Variants in RHBDL1 observed in about 807,000 individuals in gnomAD.
RHBDL1 encodes the protein rhomboid like 1, also known as rhomboid-related protein 1.
In RHBDL1, 21 loss-of-function variants were observed where a neutral mutation model predicts 34.0. The ratio of observed to expected loss-of-function variants is 0.62; its 90% confidence interval spans 0.44 to 0.89. The LOEUF is 0.89. Among genes scored for constraint, RHBDL1 ranks in the 40% least tolerant of loss-of-function variants. RHBDL1 has a pLI of 0.00. For synonymous variants in RHBDL1, 268 were observed against 234.8 expected (o/e 1.14, Z -1.29); for missense variants, 450 against 530.6 (o/e 0.85, Z 1.49).
At chr16:675,877 C>T in intron 1 of RHBDL1, 48 bp downstream of exon 1, 5 of 1,473,600 alleles carry the variant, frequency 3.4e-6, no homozygotes, top group Non-Finnish European at 4.5e-6. Flanking sequence ...CCAATGCGGC[C>T]CTCCTGCCGC....
At position 676,530 on chromosome 16, in the gene RHBDL1, CGGT is replaced by C; in HGVS notation, c.201+35_201+37del. 6.4e-7 allele frequency: 1 copy of C among 1,570,490 alleles called. No homozygotes were observed. The highest frequency in any genetic ancestry group is 1.3e-5 in the African/African-American group (1 of 74,282). ...CCACGGTGGGCAGGCGGCAGGGGCA[CGGT>C]GTCCTGGCCAGAGGAGGCGGGCAGG... is the stretch of plus-strand genomic sequence containing the variant. On this transcript the variant is annotated intron_variant, in intron 2 of 7. Coordinates refer to ENST00000352681, the MANE Select transcript of RHBDL1 (RefSeq NM_001278720.2). The surrounding 1 kb of genome is among the most constrained non-coding windows in gnomAD (Gnocchi z 6.9).
rs1484324941 is a variant in RHBDL1, at chr16:676,177, C to A, written c.40-159C>A. 1.3e-6 allele frequency: 2 copies of A among 1,495,576 alleles called. No individual in the cohort carries two copies. The highest frequency in any genetic ancestry group is 1.8e-6 in the Non-Finnish European group (2 of 1,118,078). The allele number at this position is 1,495,576 out of a possible 1,614,324, so 92.6% of individuals were successfully genotyped here. A position where few individuals can be genotyped will look rare whatever the true frequency, so the allele number is the denominator to read the frequency against. On this transcript the variant is annotated intron_variant, in intron 1 of 7. Coordinates refer to ENST00000352681, the MANE Select transcript of RHBDL1 (RefSeq NM_001278720.2). This position sits in a 1 kb window ranked among gnomAD's most constrained non-coding sequence, Gnocchi z 6.9. The stretch of plus-strand genomic sequence containing the variant: ...CCCAGGCACCAGTGCCCTGCCAGCT[C>A]CTGGGATCAAGCAGGGTCCCAGGGA...
In RHBDL1 at chr16:677,814, G is replaced by A; in HGVS notation, c.884G>A (p.Arg295His). 2 of 1,563,138 alleles carry A rather than the reference G, an allele frequency of 1.3e-6. No individual in the cohort carries two copies. Among genetic ancestry groups the A allele is most frequent in the East Asian group, 4.6e-5 (2 of 43,366 alleles). The change falls in exon 8 of 8, where the codon CGC becomes CAC. Residue 295 changes from arginine to histidine, a missense_variant. Physicochemically the swap from Arg to His is conservative, Grantham distance 29. Transcript: ENST00000352681. ...SSEVGRAVWL[R>H]FSPPLPASGP... ...GAGGTGGGCCGGGCCGTGTGGCTGCGCTTCTCCCCGCCGCTGCCCGCCTCG... is the reference window on the plus strand; with the variant it reads ...GAGGTGGGCCGGGCCGTGTGGCTGCACTTCTCCCCGCCGCTGCCCGCCTCG...
Position 676,630 on chromosome 16 carries a change from C to T in RHBDL1, c.202-42C>T, listed in dbSNP as rs776827174. 2 of 1,599,748 alleles carry T rather than the reference C, an allele frequency of 1.3e-6. No individual in the cohort carries two copies. The highest frequency in any genetic ancestry group is 8.5e-7 in the Non-Finnish European group (1 of 1,174,470). ...GGGTGAGCCTCACAGGCAGGGGTGCCATGGGGAGGTCCGTGGCCCACACTC... is the reference window on the plus strand; with the variant it reads ...GGGTGAGCCTCACAGGCAGGGGTGCTATGGGGAGGTCCGTGGCCCACACTC... On this transcript the variant is annotated intron_variant, in intron 2 of 7. Coordinates refer to ENST00000352681, the MANE Select transcript of RHBDL1 (RefSeq NM_001278720.2). The surrounding 1 kb of genome is among the most constrained non-coding windows in gnomAD (Gnocchi z 6.9).
Position 675,833 on chromosome 16 carries a change from C to A in RHBDL1, c.39+4C>A. The A allele has an allele frequency of 1.3e-6, 2 of 1,515,052 alleles. No homozygotes were observed. The highest frequency in any genetic ancestry group is 1.8e-6 in the Non-Finnish European group (2 of 1,134,294). The allele number at this position is 1,515,052 out of a possible 1,614,324, so 93.9% of individuals were successfully genotyped here. A position where few individuals can be genotyped will look rare whatever the true frequency, so the allele number is the denominator to read the frequency against. ...GCTGCAGCTCATCCAGGAGCAGGTGCGTCGGGGGGTGGTCTGGGGAGCTGG... is the reference window on the plus strand; with the variant it reads ...GCTGCAGCTCATCCAGGAGCAGGTGAGTCGGGGGGTGGTCTGGGGAGCTGG... On this transcript the variant is annotated splice_donor_region_variant and intron_variant, in intron 1 of 7. Coordinates refer to ENST00000352681, the MANE Select transcript of RHBDL1 (RefSeq NM_001278720.2).
Position 677,083 on chromosome 16 carries a change from C to T in RHBDL1, c.539C>T (p.Ala180Val), listed in dbSNP as rs1047516428. The change falls in exon 4 of 8, where the codon GCC (alanine) becomes GTC (valine). Residue 180 changes from alanine (A) to valine (V), a missense_variant. Transcript: ENST00000352681. ...LVYHPGHRAR[A>V]WRFLTYMFMH... ...TACCACCCCGGGCACCGTGCCCGCG[C>T]CTGGCGCTTCCTCACCTACATGTTC... 6 of 1,612,766 alleles carry T rather than the reference C, an allele frequency of 3.7e-6. No homozygotes were observed. Among genetic ancestry groups the T allele is most frequent in the Non-Finnish European group, 4.2e-6 (5 of 1,179,850 alleles).
chr16:675,717 A>T lies in RHBDL1; in HGVS notation c.-74A>T. On this transcript the variant is annotated 5_prime_UTR_variant, in exon 1 of 8. Transcript: ENST00000352681. ...GGGCGGAGCGGGCCGGCTGGGGCGG[A>T]GCGGAGTCGTCCGCAGAGCAGCCCC... 2.3e-6 allele frequency: 2 copies of T among 872,482 alleles called. No individual in the cohort carries two copies. Among genetic ancestry groups the T allele is most frequent in the East Asian group, 7.2e-5 (2 of 27,724 alleles). The allele number at this position is 872,482 out of a possible 1,614,324, so 54.0% of individuals were successfully genotyped here. A position where few individuals can be genotyped will look rare whatever the true frequency, so the allele number is the denominator to read the frequency against.
chr16:677,361 C>T lies in RHBDL1; in HGVS notation c.661C>T (p.Leu221=). ...EMVHGLLRIS[L]LYLAGVLAGS... ...GGTGCACGGCCTGCTCCGCATCAGC[C>T]TGCTCTACCTGGCAGGCGTGCTGGC... The change falls in exon 5 of 8, where the codon CTG becomes TTG. Residue 221 remains leucine (L), a synonymous_variant. Transcript: ENST00000352681. The T allele has an allele frequency of 6.3e-7, 1 of 1,574,860 alleles. No homozygotes were observed. The highest frequency in any genetic ancestry group is 8.6e-7 in the Non-Finnish European group (1 of 1,160,972).
rs752983076 is a variant in RHBDL1 at position 676,264 on chromosome 16, C to T, written c.40-72C>T. On this transcript the variant is annotated intron_variant, in intron 1 of 7. Transcript: ENST00000352681. This position sits in a 1 kb window ranked among gnomAD's most constrained non-coding sequence, Gnocchi z 6.9. ...GGAGCCTGAGCCTGATGCTCCCAGCCAGCCTGGCCCAGCCCTTTGGTCCAG... is the reference window on the plus strand; with the variant it reads ...GGAGCCTGAGCCTGATGCTCCCAGCTAGCCTGGCCCAGCCCTTTGGTCCAG... 3.2e-6 allele frequency: 5 copies of T among 1,567,532 alleles called. No homozygotes were observed. The highest frequency in any genetic ancestry group is 4.3e-6 in the Non-Finnish European group (5 of 1,156,320).
intron 5 of RHBDL1, 26 bp downstream of exon 5, chr16:677,414 C>T (rs1439832080): frequency 1.9e-6 from 3 of 1,572,640 alleles, no homozygotes; most frequent in Admixed American, 1.8e-5. Context: ...ACCCCCGCCC[C>T]CTGCCCTGGC....
Position 677,098 on chromosome 16 carries a change from C to G in RHBDL1, c.554C>G (p.Thr185Ser). 6.2e-7 allele frequency: 1 copy of G among 1,612,592 alleles called. No individual in the cohort carries two copies. Among genetic ancestry groups the G allele is most frequent in the Non-Finnish European group, 8.5e-7 (1 of 1,179,762 alleles). Residue 185 changes from threonine (T) to serine (S), a missense_variant, in exon 4 of 8, where the codon ACC becomes AGC. Thr to Ser is a moderately conservative substitution (Grantham distance 58). Transcript: ENST00000352681. ...CGTGCCCGCGCCTGGCGCTTCCTCACCTACATGTTCATGCACGTTGGGTGA... is the reference window on the plus strand; with the variant it reads ...CGTGCCCGCGCCTGGCGCTTCCTCAGCTACATGTTCATGCACGTTGGGTGA... ...GHRARAWRFL[T>S]YMFMHVGLEQ...
In RHBDL1 at chr16:676,059, CGG is replaced by C; in HGVS notation, c.39+232_39+233del. ...GAGGGAGGGAGGGAGGGAGGGAGGGCGGGCAGCTGGCTGGTCTTGGACCTTGG... is the reference window on the plus strand; with the variant it reads ...GAGGGAGGGAGGGAGGGAGGGAGGGCGCAGCTGGCTGGTCTTGGACCTTGG... On this transcript the variant is annotated intron_variant, in intron 1 of 7. Transcript: ENST00000352681. The surrounding 1 kb of genome is among the most constrained non-coding windows in gnomAD (Gnocchi z 6.9). 1 of 770,408 alleles carries C rather than the reference CGG, an allele frequency of 1.3e-6. No homozygotes were observed. Among genetic ancestry groups the C allele is most frequent in the East Asian group, 5.4e-5 (1 of 18,502 alleles). 47.7% of individuals were successfully genotyped at this position (770,408 alleles called of 1,614,324 possible). A position where few individuals can be genotyped will look rare whatever the true frequency, so the allele number is the denominator to read the frequency against.
Position 677,289 on chromosome 16 carries a change from G to C in RHBDL1, c.589G>C (p.Gly197Arg), listed in dbSNP as rs1383021030. 6.4e-7 allele frequency: 1 copy of C among 1,567,002 alleles called. No homozygotes were observed. Among genetic ancestry groups the C allele is most frequent in the Admixed American group, 1.9e-5 (1 of 53,170 alleles). Residue 197 changes from glycine to arginine, a missense_variant, in exon 5 of 8, where the codon GGG becomes CGG. Physicochemically the swap from Gly to Arg is moderately radical, Grantham distance 125 (BLOSUM62 -2). Transcript: ENST00000352681. ...CCCTGTGGCCAGGCTGGAGCAGCTG[G>C]GGTTCAACGCCCTCCTGCAGCTGAT... Reference protein sequence around the residue: ...MFMHVGLEQLGFNALLQLMIG... With the variant: ...MFMHVGLEQLRFNALLQLMIG...
chr16:676,575 T>C lies in RHBDL1; in HGVS notation c.201+78T>C, dbSNP rs910624611. On this transcript the variant is annotated intron_variant, in intron 2 of 7. Coordinates refer to ENST00000352681, the MANE Select transcript of RHBDL1 (RefSeq NM_001278720.2). This position sits in a 1 kb window ranked among gnomAD's most constrained non-coding sequence, Gnocchi z 6.9. ...GCGGGCAGGCAGCTCCTCACGGCGG[T>C]GGGTGGGGGGCTTGTGGATGCGGGG... 23 of 1,568,622 alleles carry C rather than the reference T, an allele frequency of 1.5e-5. No individual in the cohort carries two copies. The highest frequency in any genetic ancestry group is 5.1e-5 in the Admixed American group (3 of 58,310).
chr16:677,150 C>T, intron 4 of RHBDL1, 31 bp downstream of exon 4: 1 of 1,583,406 alleles, frequency 6.3e-7, no homozygotes, highest in Non-Finnish European at 8.6e-7. Flanking sequence ...GTGAGCCCCG[C>T]CCCAACCTGC....
chr16:677,426 G>C (rs951648889), intron 5 of RHBDL1, 33 bp from the exon 6 acceptor site: 3 of 1,579,238 alleles, frequency 1.9e-6, no homozygotes, highest in Non-Finnish European at 2.6e-6. Context: ...TGCCCTGGCC[G>C]GCTGCACCCT....
In RHBDL1 at chr16:677,401, C is replaced by T. The variant is rs565059443; in HGVS notation, c.688+13C>T. 2.8e-5 allele frequency: 44 copies of T among 1,567,320 alleles called. 1 individual carries two copies. The South Asian group carries it at 4.3e-4, about 15-fold the overall frequency. ...GGCGTGCTGGCAGGTGAGGCAGGCG[C>T]GCACCCCCGCCCCCTGCCCTGGCCG... On this transcript the variant is annotated intron_variant, in intron 5 of 7. Transcript: ENST00000352681.
intron 1 of RHBDL1, 136 bp downstream of exon 1, chr16:675,965 G>C: frequency 7.1e-7 from 1 of 1,403,870 alleles, no homozygotes; most frequent in Non-Finnish European, 9.4e-7. Context: ...ACCTTGGTCC[G>C]TGTGTCTGGG....
intron 7 of RHBDL1, 25 bp downstream of exon 7, chr16:677,724 CG>C (rs764274834): frequency 9.2e-6 from 14 of 1,523,466 alleles, no homozygotes; most frequent in Middle Eastern, 1.8e-4. Flanking sequence ...GGGGGAGGGC[CG>C]GGGGGCCTCT....
Sources: allele counts gnomAD v4.1 joint callset, GRCh38; gene constraint gnomAD v4.1.1; non-coding constraint Gnocchi (gnomAD v3.1); transcripts MANE v1.5; gene names NCBI Gene and HGNC (gene_info 2026-07-23, HGNC 2026-07-21).